MARK4: variants seen among roughly 807,000 people sequenced by gnomAD.
MARK4 encodes the protein MAP/microtubule affinity-regulating kinase 4.
A neutral mutation model predicts 81.5 loss-of-function variants in MARK4; 19 were observed. The observed-to-expected ratio is 0.23, with a 90% CI of 0.16 to 0.34. The LOEUF is 0.34. MARK4 is among the 10% of genes least tolerant of loss of function. The probability of loss-of-function intolerance (pLI) is 1.00; values close to 1 mark genes in which losing one functional copy is unlikely to be tolerated. For synonymous variants in MARK4, 436 were observed against 439.0 expected, an observed-to-expected ratio of 0.99 and a Z score of 0.08; for missense variants, 772 against 1,058.8, an observed-to-expected ratio of 0.73 and a Z score of 3.76.
At chr19:45,262,317 GAC>G (rs1970390940) in intron 2 of MARK4, among the ~76,000 whole-genome samples, 1 of 119,672 alleles carries the variant, frequency 8.4e-6, no homozygotes, top group African/African-American at 3.2e-5. Flanking sequence ...TAGCCTGGGA[GAC>G]ACAGCGAGAC....
Position 45,277,967 on chromosome 19 carries a change from C to T in MARK4, c.831C>T (p.Phe277=). ...TCAGAGGGAAGTACCGGGTCCCTTTCTACATGTCAACAGACTGTGAGAGCA... is the reference window on the plus strand; with the variant it reads ...TCAGAGGGAAGTACCGGGTCCCTTTTTACATGTCAACAGACTGTGAGAGCA... ...RVLRGKYRVP[F]YMSTDCESIL... The change falls in exon 9 of 17, where the codon TTC becomes TTT. Residue 277 remains phenylalanine, a synonymous_variant. Coordinates refer to ENST00000262891, the MANE Select transcript of MARK4 (RefSeq NM_001199867.2). 6.2e-7 allele frequency: 1 copy of T among 1,613,808 alleles called. No individual in the cohort carries two copies. The highest frequency in any genetic ancestry group is 1.7e-5 in the Admixed American group (1 of 59,940).
chr19:45,299,911 C>T, intron 16 of MARK4, 56 bp downstream of exon 16: 4 of 1,541,374 alleles, frequency 2.6e-6, no homozygotes, highest in Non-Finnish European at 3.5e-6. Context: ...CTCAGCACCT[C>T]CCGACACTTA....
chr19:45,287,010 AT>A (rs2123088294), intron 12 of MARK4, among the ~76,000 whole-genome samples: 1 of 152,074 alleles, frequency 6.6e-6, no homozygotes, highest in East Asian at 1.9e-4. Flanking sequence ...TTATCTAGTC[AT>A]TCCTCTACTA....
chr19:45,252,382 C>G (rs71352257), intron 1 of MARK4, among the ~76,000 whole-genome samples: 2 of 152,152 alleles, frequency 1.3e-5, no homozygotes, highest in Non-Finnish European at 2.9e-5. Flanking sequence ...CCTCCAACTT[C>G]TAGGCCCTCA....
intron 1 of MARK4, among the ~76,000 whole-genome samples, chr19:45,257,558 A>AT (rs1291952665): frequency 6.7e-6 from 1 of 149,414 alleles, no homozygotes; most frequent in Non-Finnish European, 1.5e-5. Context: ...TAATTTTTGT[A>AT]TTTTTAGTAG....
chr19:45,255,554 T>C (rs1970296155), intron 1 of MARK4, among the ~76,000 whole-genome samples: 1 of 115,106 alleles, frequency 8.7e-6, no homozygotes, highest in African/African-American at 3.7e-5. Flanking sequence ...AGAGTGAAAC[T>C]CTGCCAAAAA....
rs1970533379 is a variant in MARK4 at position 45,271,957 on chromosome 19, C to G, written c.786+249C>G. On this transcript the variant is annotated intron_variant, in intron 8 of 16. Transcript: ENST00000262891. This position sits in a 1 kb window ranked among gnomAD's most constrained non-coding sequence, Gnocchi z 4.1. ...GTTCAAATCCTGACTCATCCGTTCA[C>G]TGAGCTAATATTTATGGCCCACTTC... Among the ~76,000 whole-genome samples, 1 of 152,234 alleles carries G rather than the reference C, an allele frequency of 6.6e-6. No homozygotes were observed. The highest frequency in any genetic ancestry group is 2.4e-5 in the African/African-American group (1 of 41,464).
chr19:45,258,221 A>G (rs1486531824), intron 1 of MARK4, among the ~76,000 whole-genome samples: 1 of 149,412 alleles, frequency 6.7e-6, no homozygotes, highest in African/African-American at 2.5e-5. Flanking sequence ...TCCTGACCTC[A>G]TGATCCACCC....
chr19:45,293,474 T>C (rs1970844833), intron 13 of MARK4, among the ~76,000 whole-genome samples: 1 of 152,210 alleles, frequency 6.6e-6, no homozygotes, highest in Non-Finnish European at 1.5e-5. Flanking sequence ...AAAAACACAC[T>C]GTATCAAAAC....
chr19:45,279,275 G>C (rs1970641591), intron 10 of MARK4, among the ~76,000 whole-genome samples: 1 of 152,112 alleles, frequency 6.6e-6, no homozygotes, highest in Admixed American at 6.5e-5. Context: ...TGAGCACTTT[G>C]GGAGGCTGAG....
chr19:45,271,505 A>G lies in MARK4; in HGVS notation c.583A>G (p.Ile195Val), dbSNP rs1456231301. Residue 195 changes from isoleucine (I) to valine (V), a missense_variant, in exon 8 of 17, where the codon ATC becomes GTC. Around this residue, in one of 3 missense-constraint regions of MARK4, gnomAD observed 109 missense variants for 294.7 expected, o/e 0.37. Coordinates refer to ENST00000262891, the MANE Select transcript of MARK4 (RefSeq NM_001199867.2). This position sits in a 1 kb window ranked among gnomAD's most constrained non-coding sequence, Gnocchi z 4.1. The part of the protein sequence containing the change: ...ENLLLDAEAN[I>V]KIADFGFSNE... ...CCTCTTGCTGGATGCCGAGGCCAAC[A>G]TCAAGATTGCTGACTTTGGCTTCAG... is the stretch of plus-strand genomic sequence containing the variant. 2.5e-6 allele frequency: 4 copies of G among 1,614,080 alleles called. No homozygotes were observed. The highest frequency in any genetic ancestry group is 2.2e-5 in the South Asian group (2 of 91,092).
At chr19:45,275,583 C>T (rs1402104290) in intron 8 of MARK4, among the ~76,000 whole-genome samples, 1 of 152,170 alleles carries the variant, frequency 6.6e-6, no homozygotes, top group Non-Finnish European at 1.5e-5. Context: ...TTGGGAGCTG[C>T]GCTGGAGGTG....
At chr19:45,275,571 G>A (rs1395787350) in intron 8 of MARK4, among the ~76,000 whole-genome samples, 2 of 152,102 alleles carry the variant, frequency 1.3e-5, no homozygotes, top group African/African-American at 4.8e-5. Context: ...ACAGCATCAT[G>A]CTTGGGAGCT....
intron 1 of MARK4, 21 bp downstream of exon 1, chr19:45,251,660 T>A (rs1182210234): frequency 6.6e-7 from 1 of 1,508,608 alleles, no homozygotes; most frequent in South Asian, 1.3e-5. Flanking sequence ...CCCGGCCCCT[T>A]GGGGAGCCCT....
intron 14 of MARK4, among the ~76,000 whole-genome samples, chr19:45,296,146 TCA>T (rs1355755981): frequency 2.6e-5 from 4 of 152,072 alleles, no homozygotes; most frequent in African/African-American, 9.7e-5. Context: ...TTATTTGTAA[TCA>T]CTGTAGTACA....
chr19:45,268,748 AAAC>A (rs560956257), intron 7 of MARK4, among the ~76,000 whole-genome samples: 73 of 152,252 alleles, frequency 4.8e-4, no homozygotes, highest in African/African-American at 1.0e-3. Context: ...CTGTCTCTAA[AAAC>A]AACAACAAAA....
chr19:45,271,119 C>T lies in MARK4; in HGVS notation c.550-353C>T, dbSNP rs62118529. Among the ~76,000 whole-genome samples, 31,583 of 152,012 alleles carry T rather than the reference C, an allele frequency of 0.21. 3,858 individuals carry two copies. The highest frequency in any genetic ancestry group is 0.29 in the Non-Finnish European group (19,645 of 67,944). Reference sequence around the variant, plus strand: ...TGGGGATTCACCATGTTGGCCAGGCCGATCTTGAACTCCTGACCTCAGGTG... The same window carrying T: ...TGGGGATTCACCATGTTGGCCAGGCTGATCTTGAACTCCTGACCTCAGGTG... On this transcript the variant is annotated intron_variant, in intron 7 of 16. Coordinates refer to ENST00000262891, the MANE Select transcript of MARK4 (RefSeq NM_001199867.2). The surrounding 1 kb of genome is among the most constrained non-coding windows in gnomAD (Gnocchi z 4.1).
chr19:45,261,325 C>T (rs1375082223), intron 2 of MARK4, among the ~76,000 whole-genome samples: 1 of 152,128 alleles, frequency 6.6e-6, no homozygotes, highest in Non-Finnish European at 1.5e-5. Context: ...ACAAACAGAA[C>T]CTGGCAAATC....
At position 45,304,335 on chromosome 19, in the gene MARK4, C is replaced by G. The variant is rs1971020510; in HGVS notation, c.*1625C>G. 1 of 152,190 alleles carries G rather than the reference C, an allele frequency of 6.6e-6. No individual in the cohort carries two copies. Among genetic ancestry groups the G allele is most frequent in the South Asian group, 2.1e-4 (1 of 4,828 alleles). 9.4% of individuals were successfully genotyped at this position (152,190 alleles called of 1,614,324 possible). A position where few individuals can be genotyped will look rare whatever the true frequency, so the allele number is the denominator to read the frequency against. On this transcript the variant is annotated 3_prime_UTR_variant, in exon 17 of 17. Coordinates refer to ENST00000262891, the MANE Select transcript of MARK4 (RefSeq NM_001199867.2). Reference sequence around the variant, plus strand: ...ATGGGCCATGTGATTTTCTCTAAACCAATCACTGTGACTCTAGAGTGGCCA... The same window carrying G: ...ATGGGCCATGTGATTTTCTCTAAACGAATCACTGTGACTCTAGAGTGGCCA...
Sources: gnomAD v4.1 joint callset for allele counts (sites outside exome capture counted in the v4.1 genomes callset) on GRCh38, gnomAD v4.1.1 for gene constraint, gnomAD v4.1.1 regional missense constraint, Gnocchi (gnomAD v3.1) non-coding constraint, MANE v1.5 for transcripts, NCBI Gene and HGNC (gene_info 2026-07-23, HGNC 2026-07-21) for gene names.